The following ZNF57 variants were observed in gnomAD, a reference collection of about 807,000 sequenced individuals.
ZNF57 encodes the protein zinc finger protein 57.
In ZNF57, 11 loss-of-function variants were observed where a neutral mutation model predicts 13.4. The observed-to-expected ratio is 0.82, with a 90% CI of 0.52 to 1.36. The LOEUF (loss-of-function observed/expected upper bound fraction) is 1.36, where lower values mean the gene tolerates loss of function less well. ZNF57 is among the 40% of genes most tolerant of loss of function. ZNF57 has a pLI of 0.00. For missense variants in ZNF57, 696 were observed against 667.5 expected (o/e 1.04, Z -0.47); for synonymous variants, 224 against 238.5 (o/e 0.94, Z 0.56).
In ZNF57 at chr19:2,900,963, C is replaced by G. The variant is rs1321745326; in HGVS notation, c.-83C>G. The G allele has an allele frequency of 1.3e-6, 2 of 1,532,214 alleles. No homozygotes were observed. The highest frequency in any genetic ancestry group is 1.8e-6 in the Non-Finnish European group (2 of 1,134,046). The allele number at this position is 1,532,214 out of a possible 1,614,324, so 94.9% of individuals were successfully genotyped here. A position where few individuals can be genotyped will look rare whatever the true frequency, so the allele number is the denominator to read the frequency against. On this transcript the variant is annotated 5_prime_UTR_variant, in exon 1 of 4. Coordinates refer to ENST00000306908, the MANE Select transcript of ZNF57 (RefSeq NM_173480.3). ...CGCGTGCCCTGCCTACCACGAGCGG[C>G]CCGGGAGTACCTGTACCTTTCAGCT...
chr19:2,901,146 G>A lies in ZNF57; in HGVS notation c.3+98G>A, dbSNP rs572956389. 1.9e-3 allele frequency: 2,789 copies of A among 1,447,070 alleles called. 6 individuals carry two copies. The highest frequency in any genetic ancestry group is 5.3e-3 in the Middle Eastern group (27 of 5,082). The allele number at this position is 1,447,070 out of a possible 1,614,324, so 89.6% of individuals were successfully genotyped here. On this transcript the variant is annotated intron_variant, in intron 1 of 3. Transcript: ENST00000306908. ...AAGTCTGCGGCCGGGATTGGCTGAG[G>A]GACGCGCGGGGCGGCGCAGGACTAG...
intron 1 of ZNF57, among the ~76,000 whole-genome samples, chr19:2,903,568 C>T (rs560506179): frequency 2.6e-5 from 4 of 152,146 alleles, no homozygotes; most frequent in East Asian, 1.9e-4. Context: ...AATAGGCCTC[C>T]GGCCTCTCTT....
rs2088024242 is a variant in ZNF57, at chr19:2,901,023, G to A, written c.-23G>A. 3 of 1,558,730 alleles carry A rather than the reference G, an allele frequency of 1.9e-6. No homozygotes were observed. The highest frequency in any genetic ancestry group is 1.2e-5 in the South Asian group (1 of 84,710). ...GCGAGGCCACGGAGAGCTCGCCTTG[G>A]AGAGCCCAGGAGCAGGGGAGACATG... On this transcript the variant is annotated 5_prime_UTR_variant, in exon 1 of 4. Coordinates refer to ENST00000306908, the MANE Select transcript of ZNF57 (RefSeq NM_173480.3).
At position 2,915,976 on chromosome 19, in the gene ZNF57, T is replaced by A. The variant is rs1599604018; in HGVS notation, c.131-102T>A. ...ATACCTAACATTTTGACCCCTTATG[T>A]CTGTTATTGATGAGGTCCTCAAAAT... On this transcript the variant is annotated intron_variant, in intron 2 of 3. Transcript: ENST00000306908. 4.6e-6 allele frequency: 6 copies of A among 1,294,406 alleles called. No homozygotes were observed. The East Asian group carries it at 1.2e-4, about 25-fold the overall frequency. The allele number at this position is 1,294,406 out of a possible 1,614,324, so 80.2% of individuals were successfully genotyped here. A position where few individuals can be genotyped will look rare whatever the true frequency, so the allele number is the denominator to read the frequency against.
At chr19:2,916,319 TA>T (rs1259177242) in intron 3 of ZNF57, 70 bp downstream of exon 3, 1 of 1,355,852 alleles carries the variant, frequency 7.4e-7, no homozygotes, top group Non-Finnish European at 9.8e-7. Flanking sequence ...GCTCCAAATA[TA>T]AGCATTGCTC....
At chr19:2,904,245 G>A (rs62125391) in intron 1 of ZNF57, among the ~76,000 whole-genome samples, 7,301 of 152,258 alleles carry the variant, frequency 0.048, 345 homozygotes, top group African/African-American at 0.12. Flanking sequence ...TTTCCTTTGC[G>A]CACATGCTGG....
intron 1 of ZNF57, among the ~76,000 whole-genome samples, chr19:2,903,421 A>G (rs1002336082): frequency 6.6e-6 from 1 of 152,118 alleles, no homozygotes; most frequent in African/African-American, 2.4e-5. Context: ...CATGTTGGCC[A>G]GGCTGGTCTC....
Position 2,917,794 on chromosome 19 carries a change from C to T in ZNF57, c.1173C>T (p.Leu391=). 2 of 1,605,936 alleles carry T rather than the reference C, an allele frequency of 1.2e-6. No homozygotes were observed. The highest frequency in any genetic ancestry group is 1.7e-6 in the Non-Finnish European group (2 of 1,176,194). ...EHVRIHTQEQ[L]YKCEQCGKAF... ...TGAGAATTCACACGCAAGAGCAGCT[C>T]TATAAATGTGAACAATGTGGGAAGG... The change falls in exon 4 of 4, where the codon CTC becomes CTT. Residue 391 remains leucine, a synonymous_variant. Coordinates refer to ENST00000306908, the MANE Select transcript of ZNF57 (RefSeq NM_173480.3).
chr19:2,917,138 T>C lies in ZNF57; in HGVS notation c.517T>C (p.Cys173Arg), dbSNP rs550494199. ...ACGAAAAGCACCTCCAGGTGAGGAA[T>C]GTAAGCAGGCCTGCATTTGTCCCTC... ...CGRKAPPGEE[C>R]KQACICPSHL... The change falls in exon 4 of 4, where the codon TGT (cysteine) becomes CGT (arginine). Residue 173 changes from cysteine to arginine, a missense_variant. This residue lies in a region of ZNF57 where 645 missense variants were observed against 591.5 expected (regional missense o/e 1.09). Transcript: ENST00000306908. 7.4e-6 allele frequency: 12 copies of C among 1,614,036 alleles called. No individual in the cohort carries two copies. In the African/African-American group the frequency reaches 1.2e-4, roughly 16 times the overall value.
At chr19:2,904,265 C>T (rs547191844) in intron 1 of ZNF57, among the ~76,000 whole-genome samples, 6 of 152,328 alleles carry the variant, frequency 3.9e-5, no homozygotes, top group Admixed American at 3.3e-4. Flanking sequence ...GTGTCTGAGA[C>T]AGTGGGTGAC....
intron 1 of ZNF57, among the ~76,000 whole-genome samples, chr19:2,913,773 T>A (rs1469108684): frequency 1.3e-5 from 2 of 152,130 alleles, no homozygotes; most frequent in Non-Finnish European, 2.9e-5. Context: ...CCCAAGTAGC[T>A]GGGAATCCAC....
rs1390604072 is a variant in ZNF57 at position 2,917,241 on chromosome 19, A to G, written c.620A>G (p.His207Arg). The G allele has an allele frequency of 1.2e-6, 2 of 1,614,078 alleles. No individual in the cohort carries two copies. The highest frequency in any genetic ancestry group is 1.3e-5 in the African/African-American group (1 of 74,926). ...KCQACGQTFQ[H>R]PRYLSHHVKT... ...CAAGCATGTGGGCAAACTTTCCAAC[A>G]TCCTCGTTACCTCTCCCACCACGTA... Residue 207 changes from histidine to arginine, a missense_variant, in exon 4 of 4, where the codon CAT (histidine) becomes CGT (arginine). His to Arg is a conservative substitution (Grantham distance 29, BLOSUM62 0). This residue lies in a region of ZNF57 where 645 missense variants were observed against 591.5 expected (regional missense o/e 1.09). Coordinates refer to ENST00000306908, the MANE Select transcript of ZNF57 (RefSeq NM_173480.3).
chr19:2,903,767 T>G (rs2088049298), intron 1 of ZNF57, among the ~76,000 whole-genome samples: 1 of 151,490 alleles, frequency 6.6e-6, no homozygotes, highest in African/African-American at 2.4e-5. Flanking sequence ...CAGGCTGGAG[T>G]GCAGTGGTGC....
At chr19:2,905,600 TA>T (rs1299868003) in intron 1 of ZNF57, among the ~76,000 whole-genome samples, 1 of 151,030 alleles carries the variant, frequency 6.6e-6, no homozygotes, top group Non-Finnish European at 1.5e-5. Context: ...CCGTCTCTAC[TA>T]AAAAATACAA....
At chr19:2,915,881 G>A in intron 2 of ZNF57, 197 bp from the exon 3 acceptor site, 1 of 908,078 alleles carries the variant, frequency 1.1e-6, no homozygotes. Context: ...TAGGGGTATA[G>A]ATTTCACTGG....
At chr19:2,916,797 A>C (rs545173118) in intron 3 of ZNF57, 127 bp from the exon 4 acceptor site, 11 of 751,036 alleles carry the variant, frequency 1.5e-5, no homozygotes, top group Admixed American at 1.0e-4. Flanking sequence ...CTCTTCAAAC[A>C]ATTCAGAATA....
At chr19:2,913,993 A>G (rs972046092) in intron 1 of ZNF57, among the ~76,000 whole-genome samples, 2 of 152,168 alleles carry the variant, frequency 1.3e-5, no homozygotes, top group Non-Finnish European at 1.5e-5. Flanking sequence ...TCTATGGCCT[A>G]GCAAAGGGTC....
Position 2,916,225 on chromosome 19 carries a change from C to T in ZNF57, c.278C>T (p.Thr93Ile), listed in dbSNP as rs1355300313. 28 of 1,608,462 alleles carry T rather than the reference C, an allele frequency of 1.7e-5. No homozygotes were observed. Among genetic ancestry groups the T allele is most frequent in the Non-Finnish European group, 2.4e-5 (28 of 1,178,156 alleles). ...GAAAAAAATTGTGAAGGCTATGGCA[C>T]TGAAGACCACCACAAAAATCTGAGG... ...TLEKNCEGYGTEDHHKNLRNH... is the reference protein window; with the variant it reads ...TLEKNCEGYGIEDHHKNLRNH... The change falls in exon 3 of 4, where the codon ACT (threonine) becomes ATT (isoleucine). Residue 93 changes from threonine (T) to isoleucine (I), a missense_variant. Thr to Ile is a moderately conservative substitution (Grantham distance 89). Transcript: ENST00000306908.
intron 2 of ZNF57, 40 bp downstream of exon 2, chr19:2,915,688 C>A: frequency 6.2e-7 from 1 of 1,612,930 alleles, no homozygotes; most frequent in Non-Finnish European, 8.5e-7. Context: ...TTTTAATGAA[C>A]TCATTTCTTT....
Sources: allele counts gnomAD v4.1 joint callset (sites outside exome capture counted in the v4.1 genomes callset), GRCh38; gene constraint gnomAD v4.1.1; regional missense constraint gnomAD v4.1.1; transcripts MANE v1.5; gene names NCBI Gene and HGNC (gene_info 2026-07-23, HGNC 2026-07-21).